The following PCDH15 variants were observed in gnomAD, a reference collection of about 807,000 sequenced individuals.
The protein encoded by PCDH15 is protocadherin related 15.
In PCDH15, 129 loss-of-function variants were observed where a neutral mutation model predicts 178.5. The observed-to-expected ratio is 0.72, with a 90% CI of 0.63 to 0.84. PCDH15 has a LOEUF of 0.84. Ranked by LOEUF, PCDH15 falls within the 40% of genes least tolerant of loss-of-function variation. The pLI is 0.00. For synonymous variants in PCDH15, 800 were observed against 732.0 expected, an observed-to-expected ratio of 1.09 and a Z score of -1.50; for missense variants, 2,230 against 2,099.9, an observed-to-expected ratio of 1.06 and a Z score of -1.21.
At chr10:54,452,784 C>G (rs2136312679) in intron 3 of PCDH15, among the ~76,000 whole-genome samples, 1 of 152,040 alleles carries the variant, frequency 6.6e-6, no homozygotes, top group East Asian at 1.9e-4. Context: ...TGTTGGAACT[C>G]AAGAAAAGAG....
chr10:54,650,660 C>A (rs1255639063), intron 2 of PCDH15, among the ~76,000 whole-genome samples: 1 of 152,110 alleles, frequency 6.6e-6, no homozygotes, highest in East Asian at 1.9e-4. Context: ...TACGGTTCCA[C>A]ATGGCTGGGG....
At chr10:54,985,806 C>T (rs1839351250) in intron 2 of PCDH15, among the ~76,000 whole-genome samples, 1 of 152,094 alleles carries the variant, frequency 6.6e-6, no homozygotes, top group South Asian at 2.1e-4. Context: ...AGGGATCATA[C>T]CTATGTCTCA....
intron 29 of PCDH15, among the ~76,000 whole-genome samples, chr10:53,836,310 A>C (rs1203395857): frequency 6.6e-6 from 1 of 152,188 alleles, no homozygotes; most frequent in East Asian, 1.9e-4. Flanking sequence ...AGGCTTACAC[A>C]TGCAGGCTGT....
At chr10:54,414,819 T>A (rs1205905724) in intron 3 of PCDH15, among the ~76,000 whole-genome samples, 2 of 152,112 alleles carry the variant, frequency 1.3e-5, no homozygotes, top group Non-Finnish European at 2.9e-5. Context: ...GAATGTTCTT[T>A]AATACCATGA....
At chr10:54,736,640 A>G (rs1944165422) in intron 1 of PCDH15, among the ~76,000 whole-genome samples, 1 of 152,124 alleles carries the variant, frequency 6.6e-6, no homozygotes, top group African/African-American at 2.4e-5. Context: ...TGAGTTTAGT[A>G]AGATATATTA....
chr10:54,592,465 A>G (rs906419478), intron 2 of PCDH15, among the ~76,000 whole-genome samples: 2 of 152,100 alleles, frequency 1.3e-5, no homozygotes, highest in African/African-American at 4.8e-5. Flanking sequence ...TTGTGAAATG[A>G]TCATCATAAT....
At chr10:55,193,252 A>C (rs1839993602) in intron 1 of PCDH15, among the ~76,000 whole-genome samples, 1 of 151,894 alleles carries the variant, frequency 6.6e-6, no homozygotes, top group Non-Finnish European at 1.5e-5. Context: ...CCAATTAAAG[A>C]AGAACAGAAT....
chr10:54,210,861 A>G (rs1394829089), intron 10 of PCDH15, among the ~76,000 whole-genome samples: 1 of 151,914 alleles, frequency 6.6e-6, no homozygotes, highest in Admixed American at 6.6e-5. Flanking sequence ...AGGAAACATG[A>G]AACAATTATG....
intron 2 of PCDH15, among the ~76,000 whole-genome samples, chr10:55,604,682 G>A (rs1158948494): frequency 1.4e-5 from 2 of 147,568 alleles, no homozygotes; most frequent in Admixed American, 6.8e-5. Flanking sequence ...AAATAAAGAT[G>A]TTCTTTGAAA....
At chr10:54,383,420 G>T (rs915839808) in intron 3 of PCDH15, among the ~76,000 whole-genome samples, 12 of 152,070 alleles carry the variant, frequency 7.9e-5, no homozygotes, top group Non-Finnish European at 1.8e-4. Context: ...ATGCTTATTA[G>T]TACTTATTAG....
chr10:54,315,978 GTT>G (rs67038949), intron 8 of PCDH15, among the ~76,000 whole-genome samples: 31,138 of 146,650 alleles, frequency 0.21, 3,266 homozygotes, highest in Admixed American at 0.24. Flanking sequence ...TTTGGGTTTT[GTT>G]TTTTTTTTTG....
At chr10:54,026,491 T>G (rs544983247) in intron 18 of PCDH15, among the ~76,000 whole-genome samples, 2 of 152,194 alleles carry the variant, frequency 1.3e-5, no homozygotes, top group Non-Finnish European at 2.9e-5. Flanking sequence ...TTTAAATTGG[T>G]ATAAATTACG....
intron 2 of PCDH15, among the ~76,000 whole-genome samples, chr10:54,561,327 C>T (rs984830654): frequency 6.6e-6 from 1 of 151,986 alleles, no homozygotes; most frequent in Non-Finnish European, 1.5e-5. Context: ...GAAATACAAT[C>T]CAATAATGAA....
At chr10:54,444,931 T>G (rs2076052225) in intron 3 of PCDH15, among the ~76,000 whole-genome samples, 1 of 151,558 alleles carries the variant, frequency 6.6e-6, no homozygotes. Context: ...TTACACATTT[T>G]TATATGGCCA....
Position 54,898,740 on chromosome 10 carries a change from A to G in PCDH15, c.-79-1240T>C, listed in dbSNP as rs577308918. ...AAAATGTAGTCCCAAGGAAAACAGTACAAGAAACATTTTGAATCCTGAATA... is the reference window on the plus strand; with the variant it reads ...AAAATGTAGTCCCAAGGAAAACAGTGCAAGAAACATTTTGAATCCTGAATA... On this transcript the variant is annotated intron_variant, in intron 2 of 5. Coordinates refer to the PCDH15 transcript ENST00000458638. Among the ~76,000 whole-genome samples, 4 of 152,308 alleles carry G rather than the reference A, an allele frequency of 2.6e-5. No individual in the cohort carries two copies. The South Asian group carries it at 8.3e-4, about 32-fold the overall frequency.
chr10:54,550,304 A>C (rs1447084238), intron 2 of PCDH15, among the ~76,000 whole-genome samples: 2 of 152,162 alleles, frequency 1.3e-5, no homozygotes, highest in Admixed American at 1.3e-4. Context: ...AACTTCCACT[A>C]TGCAACCTCT....
chr10:54,148,181 T>C (rs1046885970), intron 14 of PCDH15, among the ~76,000 whole-genome samples: 1 of 151,992 alleles, frequency 6.6e-6, no homozygotes, highest in Non-Finnish European at 1.5e-5. Context: ...GCTCTTATTG[T>C]AGATTCTGTA....
At chr10:54,486,828 T>G (rs1413831065) in intron 3 of PCDH15, among the ~76,000 whole-genome samples, 1 of 151,994 alleles carries the variant, frequency 6.6e-6, no homozygotes, top group Admixed American at 6.6e-5. Flanking sequence ...CCTTTTCTTC[T>G]TCTCTCCATT....
intron 3 of PCDH15, among the ~76,000 whole-genome samples, chr10:54,893,054 T>A (rs189518202): frequency 2.6e-5 from 4 of 152,078 alleles, no homozygotes; most frequent in African/African-American, 9.7e-5. Context: ...TCCAAAGATA[T>A]TGGAATTAGA....
Sources: gnomAD v4.1 joint callset for allele counts (sites outside exome capture counted in the v4.1 genomes callset) on GRCh38, gnomAD v4.1.1 for gene constraint, MANE v1.5 for transcripts, NCBI Gene and HGNC (gene_info 2026-07-23, HGNC 2026-07-21) for gene names.